Variants in ZNF821 observed in about 807,000 individuals in gnomAD.
ZNF821 encodes the protein zinc finger protein 821.
In ZNF821, 16 loss-of-function variants were observed where a neutral mutation model predicts 44.3. The observed-to-expected ratio is 0.36, with a 90% confidence interval of 0.24 to 0.55. The LOEUF is 0.55. Ranked by LOEUF, ZNF821 falls within the 20% of genes least tolerant of loss-of-function variation. The pLI is 0.86. For missense variants in ZNF821, 436 were observed against 547.6 expected, an observed-to-expected ratio of 0.80 and a Z score of 2.03; for synonymous variants, 204 against 197.6, an observed-to-expected ratio of 1.03 and a Z score of -0.27.
rs552085126 is a variant in ZNF821, at chr16:71,879,986, C to T, written c.-40G>A. 4 of 1,603,524 alleles carry T rather than the reference C, an allele frequency of 2.5e-6. No homozygotes were observed. Among genetic ancestry groups the T allele is most frequent in the East Asian group, 2.2e-5 (1 of 44,686 alleles). ...AGAGCTCTGGTCTTTCCCAGTTTCA[C>T]GACTGGATATGTTACTACCTCCTTG... On this transcript the variant is annotated 5_prime_UTR_variant, in exon 3 of 8. In the 5' UTR this introduces an upstream ATG that the reference lacks. Coordinates refer to ENST00000425432, the MANE Select transcript of ZNF821 (RefSeq NM_001201552.2).
At chr16:71,864,698 G>C (rs2034328262) in intron 5 of ZNF821, 1 of 593,512 alleles carries the variant, frequency 1.7e-6, no homozygotes, top group Admixed American at 3.1e-5. Context: ...CACAGGCGCA[G>C]CGATTCGTGG....
chr16:71,887,101 G>A (rs1276611980), upstream of ZNF821, among the ~76,000 whole-genome samples: 1 of 152,054 alleles, frequency 6.6e-6, no homozygotes, highest in Non-Finnish European at 1.5e-5. Flanking sequence ...AACGATATTT[G>A]GCTTGGGCCT....
chr16:71,893,820 G>C (rs1247751391), intron 1 of ZNF821: 1 of 150,306 alleles, frequency 6.7e-6, no homozygotes, highest in Non-Finnish European at 1.5e-5. Flanking sequence ...AGGCTAGATT[G>C]CAATGGGGAG....
In ZNF821 at chr16:71,876,993, T is replaced by G. The variant is rs1158881443; in HGVS notation, c.40+2914A>C. Among the ~76,000 whole-genome samples, 4 of 152,172 alleles carry G rather than the reference T, an allele frequency of 2.6e-5. No individual in the cohort carries two copies. In the East Asian group the frequency reaches 7.7e-4, roughly 29 times the overall value. ...TTAGCAGCAATTTCTAAATCTTCCCTAAACCACTCATCTGTGTATTAAGTA... is the reference window on the plus strand; with the variant it reads ...TTAGCAGCAATTTCTAAATCTTCCCGAAACCACTCATCTGTGTATTAAGTA... On this transcript the variant is annotated intron_variant, in intron 3 of 7. Transcript: ENST00000425432.
intron 3 of ZNF821, among the ~76,000 whole-genome samples, chr16:71,872,721 G>T (rs75992633): frequency 3.0e-3 from 460 of 152,322 alleles, no homozygotes; most frequent in African/African-American, 0.011. Flanking sequence ...TGTAATCCAC[G>T]GTGCTATCCA....
At chr16:71,883,057 G>A in intron 2 of ZNF821, 154 bp downstream of exon 2, 2 of 455,840 alleles carry the variant, frequency 4.4e-6, no homozygotes, top group Non-Finnish European at 8.8e-6. Flanking sequence ...TCAGAGCAAG[G>A]TTAAGAGTCC....
chr16:71,884,676 G>C (rs1252804837), upstream of ZNF821: 1 of 152,158 alleles, frequency 6.6e-6, no homozygotes, highest in Non-Finnish European at 1.5e-5. Flanking sequence ...GGTGGGAGGG[G>C]CCAAGTTCAG....
At chr16:71,864,065 C>G in intron 6 of ZNF821, 73 bp downstream of exon 6, 1 of 1,385,282 alleles carries the variant, frequency 7.2e-7, no homozygotes, top group South Asian at 1.2e-5. Context: ...GAGACAAAGG[C>G]CAAACCAGGA....
Position 71,859,949 on chromosome 16 carries a change from G to A in ZNF821, c.*69C>T, listed in dbSNP as rs1450601177. The A allele has an allele frequency of 6.9e-7, 1 of 1,456,240 alleles. No homozygotes were observed. The highest frequency in any genetic ancestry group is 9.1e-7 in the Non-Finnish European group (1 of 1,104,110). The allele number at this position is 1,456,240 out of a possible 1,614,324, so 90.2% of individuals were successfully genotyped here. A position where few individuals can be genotyped will look rare whatever the true frequency, so the allele number is the denominator to read the frequency against. On this transcript the variant is annotated 3_prime_UTR_variant, in exon 8 of 8. Transcript: ENST00000425432. Reference sequence around the variant, plus strand: ...GGCCTCGTGGGTGGCAGCAGCACTGGTCCTCGTGGCTGTGGGTGTGGGTGG... The same window carrying A: ...GGCCTCGTGGGTGGCAGCAGCACTGATCCTCGTGGCTGTGGGTGTGGGTGG...
chr16:71,864,854 G>C (rs756794304), intron 5 of ZNF821, 49 bp downstream of exon 5: 7 of 1,608,800 alleles, frequency 4.4e-6, no homozygotes, highest in Non-Finnish European at 5.9e-6. Context: ...AGGGCAGGCA[G>C]AAGGGTAGGG....
intron 1 of ZNF821, 67 bp from the exon 2 acceptor site, chr16:71,883,340 G>A (rs2142488449): frequency 2.5e-6 from 1 of 404,828 alleles, no homozygotes; most frequent in Non-Finnish European, 4.9e-6. Flanking sequence ...GACCCCTGGG[G>A]TTGGGTCTGG....
chr16:71,892,490 T>C (rs897926300), intron 1 of ZNF821, among the ~76,000 whole-genome samples: 5 of 151,152 alleles, frequency 3.3e-5, no homozygotes, highest in African/African-American at 1.2e-4. Flanking sequence ...GGATGGTCTC[T>C]ATCTCCTGAC....
At chr16:71,888,564 T>C (rs1380371184), upstream of ZNF821, among the ~76,000 whole-genome samples, 1 of 152,208 alleles carries the variant, frequency 6.6e-6, no homozygotes, top group Non-Finnish European at 1.5e-5. Flanking sequence ...GGTATCCTTG[T>C]TGAGAATCAA....
At chr16:71,887,240 T>C (rs987384272), upstream of ZNF821, among the ~76,000 whole-genome samples, 1 of 149,830 alleles carries the variant, frequency 6.7e-6, no homozygotes, top group Non-Finnish European at 1.5e-5. Flanking sequence ...CTTGGTCAAA[T>C]GGTAACTCTA....
In ZNF821 at chr16:71,865,015, T is replaced by G; in HGVS notation, c.200A>C (p.Gln67Pro). Residue 67 changes from glutamine (Q) to proline (P), a missense_variant, in exon 5 of 8, where the codon CAA becomes CCA. Gln to Pro is a moderately conservative substitution (Grantham distance 76). Around this residue, in one of 5 missense-constraint regions of ZNF821, gnomAD observed 238 missense variants for 281.4 expected, o/e 0.85. Coordinates refer to ENST00000425432, the MANE Select transcript of ZNF821 (RefSeq NM_001201552.2). ...TGATGTGTGGGAAGAGACTTCATCT[T>G]GTGTCGTCTCCTCTTCATCACCCTC... ...DSEGDEEETT[Q>P]DEVSSHTSEE... The G allele has an allele frequency of 1.9e-6, 3 of 1,614,232 alleles. No individual in the cohort carries two copies. The highest frequency in any genetic ancestry group is 2.5e-6 in the Non-Finnish European group (3 of 1,180,034).
rs1210947147 is a variant in ZNF821 at position 71,860,496 on chromosome 16, C to G, written c.761G>C (p.Ser254Thr). ...TCGACGTAGAGCCCACTTGCGTACA[C>G]TGGGAGTCTGGGCTTCCAGCAGTTT... The part of the protein sequence containing the change: ...YRKLLEAQTP[S>T]VRKWALRRQN... Residue 254 changes from serine (S) to threonine (T), a missense_variant, in exon 8 of 8, where the codon AGT (serine) becomes ACT (threonine). Physicochemically the swap from Ser to Thr is moderately conservative, Grantham distance 58. Transcript: ENST00000425432. The surrounding 1 kb of genome is among the most constrained non-coding windows in gnomAD (Gnocchi z 7.3). 6.2e-7 allele frequency: 1 copy of G among 1,614,068 alleles called. No individual in the cohort carries two copies. The highest frequency in any genetic ancestry group is 8.5e-7 in the Non-Finnish European group (1 of 1,180,046).
intron 2 of ZNF821, chr16:71,882,992 T>A: frequency 2.7e-6 from 1 of 369,582 alleles, no homozygotes; most frequent in Non-Finnish European, 5.5e-6. Flanking sequence ...AGGTAAACGG[T>A]GAGATTCAGG....
At chr16:71,888,593 G>A (rs1407271334), upstream of ZNF821, among the ~76,000 whole-genome samples, 1 of 152,054 alleles carries the variant, frequency 6.6e-6, no homozygotes, top group East Asian at 1.9e-4. Context: ...AAATGCATGG[G>A]TTTATTTCTG....
intron 1 of ZNF821, among the ~76,000 whole-genome samples, chr16:71,890,053 G>T (rs901234408): frequency 2.0e-5 from 3 of 152,180 alleles, no homozygotes; most frequent in Non-Finnish European, 4.4e-5. Context: ...GTGTTTATAG[G>T]TGCTTTGTAA....
Sources: gnomAD v4.1 joint callset for allele counts (sites outside exome capture counted in the v4.1 genomes callset) on GRCh38, gnomAD v4.1.1 for gene constraint, gnomAD v4.1.1 regional missense constraint, Gnocchi (gnomAD v3.1) non-coding constraint, MANE v1.5 for transcripts, NCBI Gene and HGNC (gene_info 2026-07-23, HGNC 2026-07-21) for gene names.